Variants in RNF207 observed in about 807,000 individuals in gnomAD.
RNF207 encodes the protein ring finger protein 207, also known as OTTHUMG00000001089.
Under a neutral mutation model 79.0 loss-of-function variants are expected in RNF207, and 72 were observed. The ratio of observed to expected loss-of-function variants is 0.91; its 90% CI spans 0.75 to 1.11. The LOEUF (loss-of-function observed/expected upper bound fraction) is 1.11. RNF207 is among the 50% of genes least tolerant of loss of function. The pLI, the probability that RNF207 is intolerant of heterozygous loss-of-function variation, is 0.00. For missense variants in RNF207, 936 were observed against 855.8 expected, an observed-to-expected ratio of 1.09 and a Z score of -1.17; for synonymous variants, 348 against 366.2, an observed-to-expected ratio of 0.95 and a Z score of 0.57.
rs1407361167 is a variant in RNF207 at position 6,218,276 on chromosome 1, A to G, written c.1653-13A>G. 1 of 1,606,380 alleles carries G rather than the reference A, an allele frequency of 6.2e-7. No homozygotes were observed. Among genetic ancestry groups the G allele is most frequent in the Admixed American group, 1.7e-5 (1 of 59,978 alleles). Reference sequence around the variant, plus strand: ...CTGCTCCCTTGAGATTCTGGTGCCCACTCCCTTGCCAGGTTTCAGGCACCC... The same window carrying G: ...CTGCTCCCTTGAGATTCTGGTGCCCGCTCCCTTGCCAGGTTTCAGGCACCC... On this transcript the variant is annotated splice_polypyrimidine_tract_variant and intron_variant, in intron 16 of 17. Coordinates refer to ENST00000377939, the MANE Select transcript of RNF207 (RefSeq NM_207396.3).
At chr1:6,210,640 GCCTACAGT>G in intron 10 of RNF207, 1 of 629,598 alleles carries the variant, frequency 1.6e-6, no homozygotes, top group South Asian at 1.9e-5. Flanking sequence ...GGGGGCATGA[GCCTACAGT>G]CCCCCGTGGG....
chr1:6,214,626 CTTTCTTT>C (rs1309836754), intron 16 of RNF207, among the ~76,000 whole-genome samples: 1 of 95,608 alleles, frequency 1.0e-5, no homozygotes, highest in South Asian at 3.2e-4. Flanking sequence ...TGGAATATTT[CTTTCTTT>C]TTTTTTTTTT....
intron 17 of RNF207, among the ~76,000 whole-genome samples, chr1:6,218,691 A>G (rs911087143): frequency 6.6e-6 from 1 of 152,198 alleles, no homozygotes; most frequent in Admixed American, 6.5e-5. Context: ...GAAATGAGAA[A>G]GTGACCGAGG....
rs1281571803 is a variant in RNF207 at position 6,217,193 on chromosome 1, G to A, written c.1653-1096G>A. Among the ~76,000 whole-genome samples the A allele has an allele frequency of 6.6e-6, 1 of 152,102 alleles. No individual in the cohort carries two copies. The highest frequency in any genetic ancestry group is 2.4e-5 in the African/African-American group (1 of 41,424). ...TTAGTCTTCAGTACACCTTCTCTTT[G>A]CTGACAGCCCCGCGCTCCCATGCTC... is the stretch of plus-strand genomic sequence containing the variant. On this transcript the variant is annotated intron_variant, in intron 16 of 17. Coordinates refer to ENST00000377939, the MANE Select transcript of RNF207 (RefSeq NM_207396.3). This position sits in a 1 kb window ranked among gnomAD's most constrained non-coding sequence, Gnocchi z 4.2.
chr1:6,207,471 C>A lies in RNF207; in HGVS notation c.284C>A (p.Ala95Glu). 6 of 1,585,552 alleles carry A rather than the reference C, an allele frequency of 3.8e-6. No homozygotes were observed. The highest frequency in any genetic ancestry group is 5.2e-6 in the Non-Finnish European group (6 of 1,164,706). The part of the protein sequence containing the change: ...LVDSSGDGVE[A>E]VRCANCDLEC... ...GACAGCTCAGGGGATGGCGTGGAGG[C>A]GGTGCGCTGTGCCAACTGTGACCTG... The change falls in exon 3 of 18, where the codon GCG becomes GAG. Residue 95 changes from alanine (A) to glutamate (E), a missense_variant. Coordinates refer to ENST00000377939, the MANE Select transcript of RNF207 (RefSeq NM_207396.3). This position sits in a 1 kb window ranked among gnomAD's most constrained non-coding sequence, Gnocchi z 4.5.
In RNF207 at chr1:6,211,660, G is replaced by A. The variant is rs1178194220; in HGVS notation, c.1110-207G>A. Among the ~76,000 whole-genome samples the A allele has an allele frequency of 1.3e-5, 2 of 152,198 alleles. No individual in the cohort carries two copies. The highest frequency in any genetic ancestry group is 2.4e-5 in the African/African-American group (1 of 41,446). The stretch of plus-strand genomic sequence containing the variant: ...GACTTGCTCTTGGCCCCACATCCTG[G>A]AACCCACTCCAGGGACTTTAAAAAA... On this transcript the variant is annotated intron_variant, in intron 12 of 17. Transcript: ENST00000377939. This position sits in a 1 kb window ranked among gnomAD's most constrained non-coding sequence, Gnocchi z 4.2.
Position 6,207,320 on chromosome 1 carries a change from G to C in RNF207, c.192-59G>C. On this transcript the variant is annotated intron_variant, in intron 2 of 17. Coordinates refer to ENST00000377939, the MANE Select transcript of RNF207 (RefSeq NM_207396.3). The surrounding 1 kb of genome is among the most constrained non-coding windows in gnomAD (Gnocchi z 4.5). ...AGCTCCAGCCTGGAATGTGAGGGGTGGGGGTGGGGAGCCCTGGGGAAGGGG... is the reference window on the plus strand; with the variant it reads ...AGCTCCAGCCTGGAATGTGAGGGGTCGGGGTGGGGAGCCCTGGGGAAGGGG... 1.3e-6 allele frequency: 2 copies of C among 1,482,674 alleles called. No homozygotes were observed. Among genetic ancestry groups the C allele is most frequent in the Non-Finnish European group, 1.8e-6 (2 of 1,110,454 alleles). The allele number at this position is 1,482,674 out of a possible 1,614,324, so 91.8% of individuals were successfully genotyped here.
chr1:6,207,689 G>A lies in RNF207; in HGVS notation c.324+178G>A, dbSNP rs149810012. 1.3e-6 allele frequency: 1 copy of A among 763,812 alleles called. No homozygotes were observed. The highest frequency in any genetic ancestry group is 2.3e-6 in the Non-Finnish European group (1 of 441,332). 47.3% of individuals were successfully genotyped at this position (763,812 alleles called of 1,614,324 possible). On this transcript the variant is annotated intron_variant, in intron 3 of 17. Transcript: ENST00000377939. This position sits in a 1 kb window ranked among gnomAD's most constrained non-coding sequence, Gnocchi z 4.5. ...CCATTATACCGGTGGGGAGACTGAG[G>A]TCCAGAACAAGGGACTTGAGCCAGT...
At chr1:6,209,620 C>A in intron 7 of RNF207, 81 bp downstream of exon 7, 1 of 1,377,948 alleles carries the variant, frequency 7.3e-7, no homozygotes, top group Non-Finnish European at 9.4e-7. Flanking sequence ...TGTGGATTTC[C>A]AGTGTAGTGG....
intron 14 of RNF207, 91 bp downstream of exon 14, chr1:6,212,507 CT>C (rs1668218095): frequency 7.4e-7 from 1 of 1,349,580 alleles, no homozygotes; most frequent in African/African-American, 1.4e-5. Flanking sequence ...AGGACCTGGC[CT>C]GTACCCCACG....
chr1:6,219,076 T>C (rs1445169428), intron 17 of RNF207, among the ~76,000 whole-genome samples, 160 bp from the exon 18 acceptor site: 1 of 152,100 alleles, frequency 6.6e-6, no homozygotes, highest in African/African-American at 2.4e-5. Flanking sequence ...TACTCAGAAG[T>C]AGACAAGGTC....
At chr1:6,214,630 CTTTTTTTT>C (rs144139448) in intron 16 of RNF207, among the ~76,000 whole-genome samples, 10 of 70,626 alleles carry the variant, frequency 1.4e-4, no homozygotes, top group African/African-American at 5.5e-4. Context: ...ATATTTCTTT[CTTTTTTTT>C]TTTTTTTTTT....
chr1:6,208,834 G>A (rs1668021632), intron 3 of RNF207, 47 bp from the exon 4 acceptor site: 1 of 1,490,008 alleles, frequency 6.7e-7, no homozygotes, highest in African/African-American at 1.4e-5. Context: ...TTCCCGCGCT[G>A]GCCGCGGTCG....
rs969700799 is a variant in RNF207, at chr1:6,217,332, C to T, written c.1653-957C>T. Reference sequence around the variant, plus strand: ...AGCCTTAGGCATTCTCCACAGCCTACGCTCACTCCTTGGGCGACCTCATTC... The same window carrying T: ...AGCCTTAGGCATTCTCCACAGCCTATGCTCACTCCTTGGGCGACCTCATTC... On this transcript the variant is annotated intron_variant, in intron 16 of 17. Coordinates refer to ENST00000377939, the MANE Select transcript of RNF207 (RefSeq NM_207396.3). The surrounding 1 kb of genome is among the most constrained non-coding windows in gnomAD (Gnocchi z 4.2). 9.9e-5 allele frequency among the ~76,000 whole-genome samples: 15 copies of T among 152,140 alleles called. No homozygotes were observed. Among genetic ancestry groups the T allele is most frequent in the African/African-American group, 1.4e-4 (6 of 41,428 alleles).
At position 6,210,943 on chromosome 1, in the gene RNF207, G is replaced by A. The variant is rs1193181040; in HGVS notation, c.1011+5G>A. The A allele has an allele frequency of 1.2e-6, 2 of 1,603,882 alleles. No individual in the cohort carries two copies. The highest frequency in any genetic ancestry group is 1.1e-5 in the South Asian group (1 of 88,950). On this transcript the variant is annotated splice_donor_5th_base_variant and intron_variant, in intron 11 of 17. Transcript: ENST00000377939. ...AGGCCTATTCAGAGCAGCAAGGTGT[G>A]CAGTGGCCTGGGTGGGCCAGGGTCG...
intron 3 of RNF207, 92 bp from the exon 4 acceptor site, chr1:6,208,789 G>A (rs1409345911): frequency 1.5e-6 from 2 of 1,355,610 alleles, no homozygotes; most frequent in Non-Finnish European, 9.8e-7. Context: ...GCCACGGCTG[G>A]GACAAACACG....
chr1:6,213,468 TA>T (rs547886824), intron 16 of RNF207, among the ~76,000 whole-genome samples: 3,275 of 119,222 alleles, frequency 0.027, 75 homozygotes, highest in African/African-American at 0.069. Context: ...GACCTTGTCT[TA>T]AAAAAAAAAA....
chr1:6,209,561 A>T (rs1373505047), intron 7 of RNF207, 22 bp downstream of exon 7: 3 of 1,441,112 alleles, frequency 2.1e-6, no homozygotes, highest in Admixed American at 3.0e-5. Flanking sequence ...GGGTTGGGGG[A>T]TAAACGACCC....
chr1:6,219,527 C>A lies in RNF207; in HGVS notation c.*120C>A. 1.4e-6 allele frequency: 1 copy of A among 712,862 alleles called. No individual in the cohort carries two copies. Among genetic ancestry groups the A allele is most frequent in the Non-Finnish European group, 2.2e-6 (1 of 452,592 alleles). The allele number at this position is 712,862 out of a possible 1,614,324, so 44.2% of individuals were successfully genotyped here. On this transcript the variant is annotated 3_prime_UTR_variant, in exon 18 of 18. Transcript: ENST00000377939. ...TTTATTTTTGAGATGGAGTTTCGCT[C>A]TGTTGCCCAGGCTGGAGTGTAATGG...
Sources: allele counts gnomAD v4.1 joint callset (sites outside exome capture counted in the v4.1 genomes callset), GRCh38; gene constraint gnomAD v4.1.1; non-coding constraint Gnocchi (gnomAD v3.1); transcripts MANE v1.5; gene names NCBI Gene and HGNC (gene_info 2026-07-23, HGNC 2026-07-21).